FCHO2: variants seen among roughly 807,000 people sequenced by gnomAD.
FCHO2 encodes the protein F-BAR domain only protein 2.
Under a neutral mutation model 114.1 loss-of-function variants are expected in FCHO2, and 43 were observed. The observed-to-expected ratio is 0.38, with a 90% CI of 0.30 to 0.49. The LOEUF is 0.49. Ranked by LOEUF, FCHO2 falls within the 20% of genes least tolerant of loss-of-function variation. FCHO2 has a pLI of 0.97. For missense variants in FCHO2, 807 were observed against 950.4 expected (o/e 0.85, Z 1.98); for synonymous variants, 293 against 315.2 (o/e 0.93, Z 0.75).
chr5:73,004,636 T>A (rs26578), intron 5 of FCHO2, among the ~76,000 whole-genome samples: 55,928 of 151,332 alleles, frequency 0.37, 11,342 homozygotes, highest in African/African-American at 0.55. Flanking sequence ...CAGCTTTTTT[T>A]AAAAAAAAGG....
chr5:72,996,706 A>C (rs1216304465), intron 5 of FCHO2, among the ~76,000 whole-genome samples: 5 of 151,582 alleles, frequency 3.3e-5, no homozygotes, highest in South Asian at 2.1e-4. Context: ...CAGGCTGCCA[A>C]CGCCTGTCCG....
chr5:72,956,800 C>T (rs1751572850), intron 1 of FCHO2, among the ~76,000 whole-genome samples: 1 of 152,112 alleles, frequency 6.6e-6, no homozygotes. Flanking sequence ...TGCTCCTTCC[C>T]CTTCCTCATT....
At chr5:73,069,731 G>C (rs1185558385) in intron 19 of FCHO2, among the ~76,000 whole-genome samples, 1 of 152,048 alleles carries the variant, frequency 6.6e-6, no homozygotes, top group Non-Finnish European at 1.5e-5. Context: ...ATGAAGCATA[G>C]CTATATGAAC....
Position 73,054,385 on chromosome 5 carries a change from CT to C in FCHO2, c.1186-136del, listed in dbSNP as rs1757485381. 5.7e-6 allele frequency: 5 copies of C among 875,232 alleles called. No homozygotes were observed. In the East Asian group the frequency reaches 1.1e-4, roughly 19 times the overall value. 54.2% of individuals were successfully genotyped at this position (875,232 alleles called of 1,614,324 possible). A position where few individuals can be genotyped will look rare whatever the true frequency, so the allele number is the denominator to read the frequency against. On this transcript the variant is annotated intron_variant, in intron 14 of 25. Transcript: ENST00000430046. ...AAAAACTACTGTTTTTTCTCTATAT[CT>C]TTTATGTAAATACACTTTACAATTG...
chr5:72,995,040 A>G (rs1754009965), intron 5 of FCHO2, among the ~76,000 whole-genome samples: 2 of 152,172 alleles, frequency 1.3e-5, no homozygotes, highest in Admixed American at 6.5e-5. Context: ...GATGACGCAT[A>G]AGCTGTGCAC....
intron 8 of FCHO2, among the ~76,000 whole-genome samples, chr5:73,027,018 G>GTTTTTTTT (rs1369730233): frequency 1.3e-4 from 14 of 107,066 alleles, no homozygotes; most frequent in Non-Finnish European, 2.0e-4. Flanking sequence ...TTGTTTGTTT[G>GTTTTTTTT]TTTTTTTTTT....
At chr5:72,987,982 G>A (rs1022845693) in intron 2 of FCHO2, among the ~76,000 whole-genome samples, 1 of 152,192 alleles carries the variant, frequency 6.6e-6, no homozygotes, top group Non-Finnish European at 1.5e-5. Flanking sequence ...GTCAGTGCAA[G>A]AGTAGTGTGA....
chr5:73,082,959 C>T (rs1032310627), intron 24 of FCHO2, 134 bp downstream of exon 24: 2 of 683,600 alleles, frequency 2.9e-6, no homozygotes, highest in South Asian at 2.1e-5. Context: ...CTGCAACCTC[C>T]GCCTGCTGGG....
Position 73,073,621 on chromosome 5 carries a change from C to G in FCHO2, c.1580-1121C>G, listed in dbSNP as rs910442735. Among the ~76,000 whole-genome samples, 111 of 152,012 alleles carry G rather than the reference C, an allele frequency of 7.3e-4. 7 individuals carry two copies. Among genetic ancestry groups the G allele is most frequent in the Non-Finnish European group, 4.4e-5 (3 of 67,968 alleles). ...TTCCTTCAAAATCTAGAATACCAAG[C>G]TAACAGAGTATCTTTTTTCACTATT... On this transcript the variant is annotated intron_variant, in intron 19 of 25. Transcript: ENST00000430046.
chr5:72,960,491 GT>G lies in FCHO2; in HGVS notation c.33+4368del, dbSNP rs541111339. ...TTGCTTTTAATATGTAAAAACAATT[GT>G]TTTTTATCTTTATTTTTACATATTA... On this transcript the variant is annotated intron_variant, in intron 1 of 25. Coordinates refer to ENST00000430046, the MANE Select transcript of FCHO2 (RefSeq NM_138782.3). Among the ~76,000 whole-genome samples the G allele has an allele frequency of 8.3e-3, 1,262 of 151,956 alleles. 8 individuals are homozygous for G. Among genetic ancestry groups the G allele is most frequent in the Admixed American group, 0.016 (238 of 15,112 alleles).
chr5:73,084,612 A>C (rs1415918868), intron 24 of FCHO2, among the ~76,000 whole-genome samples: 1 of 152,196 alleles, frequency 6.6e-6, no homozygotes, highest in Non-Finnish European at 1.5e-5. Flanking sequence ...GGCTTTTCAA[A>C]TGTTGCTGAG....
At chr5:73,061,109 A>G (rs982797484) in intron 17 of FCHO2, among the ~76,000 whole-genome samples, 1 of 151,910 alleles carries the variant, frequency 6.6e-6, no homozygotes, top group African/African-American at 2.4e-5. Context: ...TCCTGGGGGC[A>G]GTTTTATCAC....
chr5:73,034,692 G>A lies in FCHO2; in HGVS notation c.832G>A (p.Ala278Thr). ...IEFEECDTAS[A>T]VEGIKPRKRK... ...ATTTGAAGAATGTGACACTGCTAGT[G>A]CAGTTGAAGGTAAGTTGATTAGTTA... Residue 278 changes from alanine to threonine, a missense_variant, in exon 9 of 26, where the codon GCA (alanine) becomes ACA (threonine). Coordinates refer to ENST00000430046, the MANE Select transcript of FCHO2 (RefSeq NM_138782.3). 1 of 1,594,254 alleles carries A rather than the reference G, an allele frequency of 6.3e-7. No homozygotes were observed. The highest frequency in any genetic ancestry group is 8.5e-7 in the Non-Finnish European group (1 of 1,173,002).
intron 18 of FCHO2, among the ~76,000 whole-genome samples, chr5:73,064,901 ACTTAT>A (rs1757995068): frequency 6.6e-6 from 1 of 151,778 alleles, no homozygotes. Context: ...TCATTCCTTC[ACTTAT>A]CTTCCTTATA....
intron 8 of FCHO2, among the ~76,000 whole-genome samples, chr5:73,032,388 T>G (rs1327332732): frequency 6.6e-6 from 1 of 152,196 alleles, no homozygotes; most frequent in Non-Finnish European, 1.5e-5. Flanking sequence ...GTGTTTTTTT[T>G]GGACATTTTT....
At chr5:73,074,889 A>T (rs375832806) in intron 20 of FCHO2, 36 bp downstream of exon 20, 1 of 1,537,372 alleles carries the variant, frequency 6.5e-7, no homozygotes, top group African/African-American at 1.4e-5. Context: ...ATGTGTATGT[A>T]TGTGTGTTGG....
At chr5:72,970,593 A>G (rs948016029) in intron 2 of FCHO2, among the ~76,000 whole-genome samples, 6 of 151,892 alleles carry the variant, frequency 4.0e-5, no homozygotes, top group East Asian at 1.9e-4. Context: ...TCTGAATTAC[A>G]TGTCAAAATC....
intron 2 of FCHO2, among the ~76,000 whole-genome samples, chr5:72,975,017 T>C (rs1481621041): frequency 1.3e-5 from 2 of 152,300 alleles, no homozygotes; most frequent in Admixed American, 1.3e-4. Flanking sequence ...TCTTTAAGAA[T>C]GTTGAATATT....
chr5:72,998,955 C>T (rs753847673), intron 5 of FCHO2, among the ~76,000 whole-genome samples: 3 of 151,608 alleles, frequency 2.0e-5, no homozygotes, highest in African/African-American at 4.9e-5. Flanking sequence ...CTCAGCCTCT[C>T]GAATAGCTGG....
Sources: allele counts gnomAD v4.1 joint callset (sites outside exome capture counted in the v4.1 genomes callset), GRCh38; gene constraint gnomAD v4.1.1; transcripts MANE v1.5; gene names NCBI Gene and HGNC (gene_info 2026-07-23, HGNC 2026-07-21).